Variants in RBFOX1 observed in about 807,000 individuals in gnomAD.
The protein encoded by RBFOX1 is RNA binding fox-1 homolog 1.
Under a neutral mutation model 57.7 loss-of-function variants are expected in RBFOX1, and 8 were observed. The ratio of observed to expected loss-of-function variants is 0.14; its 90% CI spans 0.08 to 0.25. The LOEUF is 0.25. RBFOX1 is among the 10% of genes least tolerant of loss of function. RBFOX1 has a pLI of 1.00. For synonymous variants in RBFOX1, 326 were observed against 222.4 expected (o/e 1.47, Z -4.15); for missense variants, 611 against 548.5 (o/e 1.11, Z -1.14).
At chr16:5,762,497 C>G (rs182459276) in intron 3 of RBFOX1, among the ~76,000 whole-genome samples, 66 of 152,250 alleles carry the variant, frequency 4.3e-4, no homozygotes, top group African/African-American at 1.5e-3. Context: ...GACTAATATG[C>G]TCGTTTCAAA....
At chr16:7,543,481 G>A (rs553582215) in intron 5 of RBFOX1, among the ~76,000 whole-genome samples, 2 of 152,278 alleles carry the variant, frequency 1.3e-5, no homozygotes, top group Admixed American at 1.3e-4. Context: ...AAAACTCCTG[G>A]ATAAAGGTGA....
rs184110798 is a variant in RBFOX1 at position 6,242,147 on chromosome 16, A to G, written c.-126-74848A>G. Reference sequence around the variant, plus strand: ...TTCATGTATAAGTCCTGATAGGTGCATCTTTATTTGTATATTTATTATGTG... The same window carrying G: ...TTCATGTATAAGTCCTGATAGGTGCGTCTTTATTTGTATATTTATTATGTG... On this transcript the variant is annotated intron_variant, in intron 1 of 15. Coordinates refer to ENST00000550418, the MANE Select transcript of RBFOX1 (RefSeq NM_018723.4). Among the ~76,000 whole-genome samples, 946 of 152,270 alleles carry G rather than the reference A, an allele frequency of 6.2e-3. 12 individuals are homozygous for G. The highest frequency in any genetic ancestry group is 0.014 in the Middle Eastern group (4 of 294).
intron 2 of RBFOX1, among the ~76,000 whole-genome samples, chr16:5,563,632 C>T (rs2045963831): frequency 6.6e-6 from 1 of 152,130 alleles, no homozygotes; most frequent in South Asian, 2.1e-4. Context: ...CCCTGAAATC[C>T]TGCCTTATAA....
intron 1 of RBFOX1, among the ~76,000 whole-genome samples, chr16:6,231,998 G>T (rs909980317): frequency 6.6e-6 from 1 of 152,004 alleles, no homozygotes; most frequent in South Asian, 2.1e-4. Context: ...TACTTCCCTC[G>T]TTTGCAATAT....
intron 4 of RBFOX1, among the ~76,000 whole-genome samples, chr16:7,061,791 A>G (rs548971450): frequency 2.0e-5 from 3 of 152,292 alleles, no homozygotes; most frequent in African/African-American, 7.2e-5. Flanking sequence ...TCTATGACTG[A>G]TGCCTCAGCA....
chr16:5,971,126 G>T lies in RBFOX1; in HGVS notation c.351+103791G>T, dbSNP rs578193844. 5.3e-4 allele frequency among the ~76,000 whole-genome samples: 81 copies of T among 152,314 alleles called. 1 individual carries two copies. The South Asian group carries it at 0.016, about 30-fold the overall frequency. On this transcript the variant is annotated intron_variant, in intron 4 of 19. Transcript: ENST00000641259. ...TATCCAGGTGTCCAGCTGTCAACACGTTTATTGAGGATCTACTATGTGCTA... is the reference window on the plus strand; with the variant it reads ...TATCCAGGTGTCCAGCTGTCAACACTTTTATTGAGGATCTACTATGTGCTA...
chr16:7,223,588 C>T (rs547594463), intron 4 of RBFOX1, among the ~76,000 whole-genome samples: 60 of 152,248 alleles, frequency 3.9e-4, no homozygotes, highest in African/African-American at 1.4e-3. Flanking sequence ...ATCCAACTCA[C>T]ATCCACCTCA....
intron 2 of RBFOX1, among the ~76,000 whole-genome samples, chr16:6,393,008 C>G (rs1451023722): frequency 2.0e-5 from 3 of 152,170 alleles, no homozygotes; most frequent in Non-Finnish European, 4.4e-5. Context: ...GAACTCCTGT[C>G]TTGTGTCTTT....
intron 3 of RBFOX1, among the ~76,000 whole-genome samples, chr16:6,683,298 G>C (rs1233672074): frequency 6.6e-6 from 1 of 152,152 alleles, no homozygotes; most frequent in Admixed American, 6.5e-5. Flanking sequence ...TGACCCTTGA[G>C]ACCTTTAAAT....
At chr16:5,763,884 G>C (rs2053677401) in intron 3 of RBFOX1, among the ~76,000 whole-genome samples, 1 of 152,142 alleles carries the variant, frequency 6.6e-6, no homozygotes, top group East Asian at 1.9e-4. Context: ...GGGTTTCCCA[G>C]ATCTCTTTTT....
chr16:6,173,604 C>CTTTTTTTTTTTTTT lies in RBFOX1; in HGVS notation c.-126-143381_-126-143368dup, dbSNP rs35528338. ...GTATGGAGTGGACACTGACCACTCC[C>CTTTTTTTTTTTTTT]TTTTTTTTTTTTTTTTTTTTTTTGA... On this transcript the variant is annotated intron_variant, in intron 1 of 15. Transcript: ENST00000550418. Among the ~76,000 whole-genome samples the CTTTTTTTTTTTTTT allele has an allele frequency of 6.1e-4, 43 of 70,950 alleles. 7 individuals are homozygous for CTTTTTTTTTTTTTT. The highest frequency in any genetic ancestry group is 1.6e-3 in the African/African-American group (28 of 17,056). The allele number at this position is 70,950 out of a possible 152,430, so 46.5% of individuals were successfully genotyped here. A position where few individuals can be genotyped will look rare whatever the true frequency, so the allele number is the denominator to read the frequency against.
chr16:7,238,851 T>G (rs2152958460), intron 4 of RBFOX1, among the ~76,000 whole-genome samples: 1 of 152,268 alleles, frequency 6.6e-6, no homozygotes, highest in Non-Finnish European at 1.5e-5. Flanking sequence ...GTCCACGTGT[T>G]TTTATCATTT....
intron 3 of RBFOX1, among the ~76,000 whole-genome samples, chr16:6,876,066 G>T (rs7498577): frequency 6.6e-6 from 1 of 151,748 alleles, no homozygotes; most frequent in Non-Finnish European, 1.5e-5. Flanking sequence ...CTAGCATCTC[G>T]GGGGGCTGAG....
chr16:6,676,676 T>TC (rs1240683610), intron 3 of RBFOX1, among the ~76,000 whole-genome samples: 2 of 141,848 alleles, frequency 1.4e-5, no homozygotes, highest in East Asian at 4.0e-4. Flanking sequence ...TTCTTTTCTT[T>TC]TTTTTTTTTT....
At chr16:6,742,360 G>A (rs2072434731) in intron 3 of RBFOX1, among the ~76,000 whole-genome samples, 1 of 152,264 alleles carries the variant, frequency 6.6e-6, no homozygotes, top group South Asian at 2.1e-4. Flanking sequence ...CATAGAAAGT[G>A]TGTCTCTCAT....
intron 4 of RBFOX1, among the ~76,000 whole-genome samples, chr16:7,344,309 C>CT: frequency 6.7e-6 from 1 of 148,926 alleles, no homozygotes; most frequent in Admixed American, 6.7e-5. Flanking sequence ...ATAGTCAGGG[C>CT]TAAAAAAAAC....
chr16:5,386,671 CCA>C (rs2066267082), intron 1 of RBFOX1, among the ~76,000 whole-genome samples: 1 of 152,074 alleles, frequency 6.6e-6, no homozygotes, highest in Admixed American at 6.6e-5. Context: ...CGGCAGACTC[CCA>C]CACATCCTCA....
intron 2 of RBFOX1, among the ~76,000 whole-genome samples, chr16:6,440,882 A>C (rs755587655): frequency 8.6e-5 from 13 of 152,006 alleles, no homozygotes; most frequent in Non-Finnish European, 1.9e-4. Flanking sequence ...AACAGTGAAC[A>C]GTATGGATGA....
At chr16:5,649,889 A>G (rs1387077434) in intron 3 of RBFOX1, among the ~76,000 whole-genome samples, 1 of 152,144 alleles carries the variant, frequency 6.6e-6, no homozygotes, top group East Asian at 1.9e-4. Context: ...TGTGCAGATT[A>G]TAGAGGGATG....
Sources: allele counts gnomAD v4.1 joint callset (sites outside exome capture counted in the v4.1 genomes callset), GRCh38; gene constraint gnomAD v4.1.1; transcripts MANE v1.5; gene names NCBI Gene and HGNC (gene_info 2026-07-23, HGNC 2026-07-21).